The following FBXW2 variants were observed in gnomAD, a reference collection of about 807,000 sequenced individuals.
The protein encoded by FBXW2 is F-box/WD repeat-containing protein 2.
FBXW2 carries 12 observed loss-of-function variants against 46.0 expected under a neutral mutation model. That is an observed-to-expected ratio of 0.26 (90% confidence interval 0.17 to 0.42). The LOEUF (loss-of-function observed/expected upper bound fraction) is 0.42, where lower values mean the gene tolerates loss of function less well. FBXW2 is among the 10% of genes least tolerant of loss of function. The pLI, the probability that FBXW2 is intolerant of heterozygous loss-of-function variation, is 1.00. For synonymous variants in FBXW2, 203 were observed against 209.6 expected (o/e 0.97, Z 0.27); for missense variants, 360 against 537.0 (o/e 0.67, Z 3.26).
Position 120,764,394 on chromosome 9 carries a change from C to T in FBXW2, c.*165G>A. 8.5e-6 allele frequency: 6 copies of T among 703,732 alleles called. No individual in the cohort carries two copies. The highest frequency in any genetic ancestry group is 2.7e-5 in the East Asian group (1 of 37,434). The allele number at this position is 703,732 out of a possible 1,614,324, so 43.6% of individuals were successfully genotyped here. ...TATGTCAATAAAACAAGCCCTCCCC[C>T]ACCCCGAGCCCTGGCCCCTGGCAAA... On this transcript the variant is annotated 3_prime_UTR_variant, in exon 8 of 8. Transcript: ENST00000608872.
At position 120,759,982 on chromosome 9, in the gene FBXW2, C is replaced by G. The variant is rs535102059; in HGVS notation, c.*4577G>C. On this transcript the variant is annotated 3_prime_UTR_variant, in exon 8 of 8. Coordinates refer to ENST00000608872, the MANE Select transcript of FBXW2 (RefSeq NM_012164.4). The stretch of plus-strand genomic sequence containing the variant: ...CTGAAAAAAGTTTACTTTCCTAGAG[C>G]AGGCATGGGGAACCTTTGATCAGAA... 2 of 152,350 alleles carry G rather than the reference C, an allele frequency of 1.3e-5. No homozygotes were observed. The highest frequency in any genetic ancestry group is 4.1e-4 in the South Asian group (2 of 4,820). The allele number at this position is 152,350 out of a possible 1,614,324, so 9.4% of individuals were successfully genotyped here.
chr9:120,791,376 G>A (rs559220448), intron 2 of FBXW2, among the ~76,000 whole-genome samples: 3 of 152,366 alleles, frequency 2.0e-5, no homozygotes, highest in African/African-American at 7.2e-5. Flanking sequence ...ATACTTTGGA[G>A]GTTGGCCAGA....
chr9:120,775,924 T>C (rs1165933061), intron 5 of FBXW2, among the ~76,000 whole-genome samples, 169 bp downstream of exon 5: 1 of 152,224 alleles, frequency 6.6e-6, no homozygotes, highest in Non-Finnish European at 1.5e-5. Context: ...TGTTAAACCA[T>C]GTATTAAGTA....
At position 120,778,541 on chromosome 9, in the gene FBXW2, T is replaced by C. The variant is rs2044546995; in HGVS notation, c.495A>G (p.Ser165=). The C allele has an allele frequency of 6.2e-7, 1 of 1,612,872 alleles. No individual in the cohort carries two copies. The highest frequency in any genetic ancestry group is 1.3e-5 in the African/African-American group (1 of 75,040). Residue 165 remains serine, a synonymous_variant, in exon 4 of 8, where the codon TCA becomes TCG. Transcript: ENST00000608872. ...CCCACAGCTTTGCAGACAAGTCATC[T>C]GACCCTTCAAGAGAAAAACAGGGAG... ...YYKDGLLCTG[S]DDLSAKLWDV...
At chr9:120,783,790 T>C (rs998525381) in intron 3 of FBXW2, among the ~76,000 whole-genome samples, 15 of 152,226 alleles carry the variant, frequency 9.9e-5, no homozygotes, top group African/African-American at 3.1e-4. Flanking sequence ...GCATAATAGA[T>C]TCCTTTCTTA....
At chr9:120,793,122 C>G (rs2044888391) in intron 2 of FBXW2, 27 bp downstream of exon 2, 1 of 679,488 alleles carries the variant, frequency 1.5e-6, no homozygotes, top group Admixed American at 2.5e-5. Context: ...CCCTTGCTCT[C>G]GGAATCGTGT....
At position 120,764,487 on chromosome 9, in the gene FBXW2, C is replaced by G. The variant is rs750963389; in HGVS notation, c.*72G>C. On this transcript the variant is annotated 3_prime_UTR_variant, in exon 8 of 8. Coordinates refer to ENST00000608872, the MANE Select transcript of FBXW2 (RefSeq NM_012164.4). ...TGAGAACTTTGGTTCATGCAGTCGG[C>G]TGCCGCAGAGGTTGCACCCAAAACC... 134 of 1,511,940 alleles carry G rather than the reference C, an allele frequency of 8.9e-5. No individual in the cohort carries two copies. Among genetic ancestry groups the G allele is most frequent in the Non-Finnish European group, 1.2e-4 (132 of 1,109,254 alleles). The allele number at this position is 1,511,940 out of a possible 1,614,324, so 93.7% of individuals were successfully genotyped here.
intron 2 of FBXW2, among the ~76,000 whole-genome samples, chr9:120,792,732 A>C (rs1414714941): frequency 1.3e-5 from 2 of 152,188 alleles, no homozygotes; most frequent in African/African-American, 4.8e-5. Context: ...ATTACCTACA[A>C]GGGTTTTTAT....
intron 5 of FBXW2, among the ~76,000 whole-genome samples, chr9:120,774,158 A>G (rs746096891): frequency 5.3e-5 from 8 of 152,094 alleles, no homozygotes; most frequent in Non-Finnish European, 1.0e-4. Flanking sequence ...CAACACAATG[A>G]AACTCCGTCT....
At chr9:120,789,231 C>T (rs2044784306) in intron 2 of FBXW2, among the ~76,000 whole-genome samples, 1 of 152,176 alleles carries the variant, frequency 6.6e-6, no homozygotes, top group African/African-American at 2.4e-5. Context: ...AGATCAGGTA[C>T]CAAGCTCTCT....
At chr9:120,768,318 C>T (rs972255301) in intron 7 of FBXW2, among the ~76,000 whole-genome samples, 4 of 152,176 alleles carry the variant, frequency 2.6e-5, no homozygotes, top group Non-Finnish European at 5.9e-5. Flanking sequence ...CCTCTTAACC[C>T]AACCATTAAA....
intron 3 of FBXW2, 58 bp from the exon 4 acceptor site, chr9:120,778,603 C>G: frequency 6.9e-7 from 1 of 1,446,030 alleles, no homozygotes; most frequent in Non-Finnish European, 9.6e-7. Context: ...GAAGGAAAAT[C>G]AATCCCAAAA....
intron 3 of FBXW2, 35 bp from the exon 4 acceptor site, chr9:120,778,580 CA>C (rs776241813): frequency 6.3e-7 from 1 of 1,577,608 alleles, no homozygotes; most frequent in Admixed American, 1.7e-5. Flanking sequence ...AATAAGAAAA[CA>C]AACACACTAA....
In FBXW2 at chr9:120,757,605, C is replaced by T. The variant is rs1350840991; in HGVS notation, c.*6954G>A. The T allele has an allele frequency of 6.6e-6, 1 of 152,144 alleles. No homozygotes were observed. Among genetic ancestry groups the T allele is most frequent in the Non-Finnish European group, 1.5e-5 (1 of 68,014 alleles). The allele number at this position is 152,144 out of a possible 1,614,324, so 9.4% of individuals were successfully genotyped here. A position where few individuals can be genotyped will look rare whatever the true frequency, so the allele number is the denominator to read the frequency against. On this transcript the variant is annotated 3_prime_UTR_variant, in exon 8 of 8. Coordinates refer to ENST00000608872, the MANE Select transcript of FBXW2 (RefSeq NM_012164.4). ...TATTACAAAACAATGATTTGCAGTA[C>T]ATAAATCCATACACATGTGCATAAG...
At chr9:120,779,606 A>G (rs1377564318) in intron 3 of FBXW2, among the ~76,000 whole-genome samples, 1 of 152,214 alleles carries the variant, frequency 6.6e-6, no homozygotes, top group Non-Finnish European at 1.5e-5. Flanking sequence ...GTATAAAAAG[A>G]GGGGTAGGAC....
In FBXW2 at chr9:120,761,342, C is replaced by T. The variant is rs948378118; in HGVS notation, c.*3217G>A. The T allele has an allele frequency of 5.3e-5, 8 of 152,332 alleles. No homozygotes were observed. Among genetic ancestry groups the T allele is most frequent in the African/African-American group, 1.9e-4 (8 of 41,582 alleles). 9.4% of individuals were successfully genotyped at this position (152,332 alleles called of 1,614,324 possible). A position where few individuals can be genotyped will look rare whatever the true frequency, so the allele number is the denominator to read the frequency against. ...GAAGCCGCTGGCTTCCACCACACCA[C>T]AGTGTCACCCAAGAAATCCAATCCT... On this transcript the variant is annotated 3_prime_UTR_variant, in exon 8 of 8. Transcript: ENST00000608872.
intron 7 of FBXW2, among the ~76,000 whole-genome samples, chr9:120,770,022 C>A (rs1466762974): frequency 6.6e-6 from 1 of 152,010 alleles, no homozygotes; most frequent in East Asian, 1.9e-4. Flanking sequence ...TGTGGCCCAC[C>A]AAAGTTTTGT....
intron 2 of FBXW2, among the ~76,000 whole-genome samples, chr9:120,790,663 T>C (rs934327160): frequency 1.3e-5 from 2 of 152,214 alleles, no homozygotes; most frequent in Non-Finnish European, 2.9e-5. Flanking sequence ...TGAACTGTTA[T>C]TCAAACGGCT....
At chr9:120,775,308 T>C (rs2044470159) in intron 5 of FBXW2, among the ~76,000 whole-genome samples, 1 of 152,228 alleles carries the variant, frequency 6.6e-6, no homozygotes, top group African/African-American at 2.4e-5. Flanking sequence ...CCTCCCAAAG[T>C]GCTGGGATTA....
Sources: gnomAD v4.1 joint callset for allele counts (sites outside exome capture counted in the v4.1 genomes callset) on GRCh38, gnomAD v4.1.1 for gene constraint, MANE v1.5 for transcripts, NCBI Gene and HGNC (gene_info 2026-07-23, HGNC 2026-07-21) for gene names.